The following BBS9 variants were observed in gnomAD, a reference collection of about 807,000 sequenced individuals.
The protein encoded by BBS9 is protein PTHB1.
BBS9 carries 89 observed loss-of-function variants against 117.7 expected under a neutral mutation model. The observed-to-expected ratio is 0.76, with a 90% CI of 0.64 to 0.90. BBS9 has a LOEUF of 0.90. Among genes scored for constraint, BBS9 ranks in the 40% least tolerant of loss-of-function variants. BBS9 has a pLI of 0.00. For missense variants in BBS9, 982 were observed against 1,042.2 expected, an observed-to-expected ratio of 0.94 and a Z score of 0.80; for synonymous variants, 379 against 370.9, an observed-to-expected ratio of 1.02 and a Z score of -0.25.
intron 5 of BBS9, among the ~76,000 whole-genome samples, chr7:33,228,553 A>G (rs1038808778): frequency 1.3e-5 from 2 of 152,126 alleles, no homozygotes; most frequent in African/African-American, 4.8e-5. Flanking sequence ...ATCCACGTAT[A>G]ACTTTTGACT....
At chr7:33,526,357 T>G (rs1310277058) in intron 20 of BBS9, among the ~76,000 whole-genome samples, 8 of 152,220 alleles carry the variant, frequency 5.3e-5, no homozygotes, top group African/African-American at 1.4e-4. Context: ...CCAACTCGGT[T>G]CCATTCTCCC....
At chr7:33,217,090 G>A (rs927722475) in intron 5 of BBS9, among the ~76,000 whole-genome samples, 23 of 152,026 alleles carry the variant, frequency 1.5e-4, no homozygotes, top group African/African-American at 4.3e-4. Context: ...GCGAGACTCC[G>A]TCTCCAAAAA....
chr7:33,447,370 A>G (rs143459744), intron 19 of BBS9, among the ~76,000 whole-genome samples: 10 of 152,350 alleles, frequency 6.6e-5, no homozygotes, highest in African/African-American at 2.4e-4. Flanking sequence ...CTAGGATTTC[A>G]GAGGACAAAC....
chr7:33,581,072 AT>A (rs1212264006), intron 21 of BBS9, among the ~76,000 whole-genome samples: 1 of 143,450 alleles, frequency 7.0e-6, no homozygotes, highest in Non-Finnish European at 1.5e-5. Flanking sequence ...TTTTGTGTGT[AT>A]TTTTGTGTGT....
intron 19 of BBS9, among the ~76,000 whole-genome samples, chr7:33,459,850 C>T (rs11764921): frequency 0.17 from 26,281 of 151,974 alleles, 2,507 homozygotes; most frequent in South Asian, 0.21. Flanking sequence ...TGGTCTTTAC[C>T]ATATATTATA....
intron 19 of BBS9, among the ~76,000 whole-genome samples, chr7:33,478,968 C>G (rs186325734): frequency 1.4e-5 from 2 of 147,344 alleles, no homozygotes; most frequent in Admixed American, 1.4e-4. Context: ...CTTTACTGTT[C>G]ATTTACTGAT....
At chr7:33,215,150 G>C (rs1046428066) in intron 5 of BBS9, among the ~76,000 whole-genome samples, 1 of 152,128 alleles carries the variant, frequency 6.6e-6, no homozygotes, top group Non-Finnish European at 1.5e-5. Context: ...TGAGTGCAGT[G>C]CCACTGCACT....
At position 33,438,283 on chromosome 7, in the gene BBS9, C is replaced by T. The variant is rs577203423; in HGVS notation, c.2115+50139C>T. Among the ~76,000 whole-genome samples, 5 of 152,140 alleles carry T rather than the reference C, an allele frequency of 3.3e-5. No individual in the cohort carries two copies. The South Asian group carries it at 6.3e-4, about 19-fold the overall frequency. On this transcript the variant is annotated intron_variant, in intron 19 of 22. Coordinates refer to ENST00000242067, the MANE Select transcript of BBS9 (RefSeq NM_198428.3). Reference sequence around the variant, plus strand: ...TTAACCTCAGGGTAGGGAAGGACTTCCTAAGCAAGTTATAAAAAGCACAGC... The same window carrying T: ...TTAACCTCAGGGTAGGGAAGGACTTTCTAAGCAAGTTATAAAAAGCACAGC...
In BBS9 at chr7:33,364,191, G is replaced by T. The variant is rs374042417; in HGVS notation, c.1694-3576G>T. Among the ~76,000 whole-genome samples the T allele has an allele frequency of 1.6e-3, 222 of 138,402 alleles. 75 individuals are homozygous for T. The South Asian group carries it at 0.053, about 33-fold the overall frequency. 90.8% of individuals were successfully genotyped at this position (138,402 alleles called of 152,430 possible). ...TCTCGATCTCCTGACCTCGTGATCCGCCCGCCTCGGCCTCCCAAAGTGCTG... is the reference window on the plus strand; with the variant it reads ...TCTCGATCTCCTGACCTCGTGATCCTCCCGCCTCGGCCTCCCAAAGTGCTG... On this transcript the variant is annotated intron_variant, in intron 16 of 22. Transcript: ENST00000242067.
At chr7:33,269,306 C>T (rs1799355949) in intron 7 of BBS9, among the ~76,000 whole-genome samples, 1 of 152,156 alleles carries the variant, frequency 6.6e-6, no homozygotes, top group South Asian at 2.1e-4. Context: ...AGCCCTATTT[C>T]CTGTTTATGC....
At chr7:33,327,492 G>A (rs1241784252) in intron 9 of BBS9, among the ~76,000 whole-genome samples, 2 of 152,048 alleles carry the variant, frequency 1.3e-5, no homozygotes, top group Admixed American at 6.6e-5. Context: ...CTGAGGCCAG[G>A]AATTCATGAC....
chr7:33,157,992 G>A (rs1033587918), intron 4 of BBS9, among the ~76,000 whole-genome samples: 2 of 152,134 alleles, frequency 1.3e-5, no homozygotes, highest in South Asian at 4.1e-4. Context: ...AGATGTGTGA[G>A]TGTGAGCCGT....
In BBS9 at chr7:33,214,175, G is replaced by A. The variant is rs80332566; in HGVS notation, c.442+36584G>A. 5.3e-5 allele frequency among the ~76,000 whole-genome samples: 8 copies of A among 152,326 alleles called. No individual in the cohort carries two copies. In the East Asian group the frequency reaches 1.5e-3, roughly 29 times the overall value. ...TCAAGTTCCTACCATTGGGATGGGC[G>A]ATTCCCCTCTGGCTACGTCTGGTCC... On this transcript the variant is annotated intron_variant, in intron 5 of 22. Transcript: ENST00000242067.
chr7:33,452,960 A>G (rs1351019618), intron 19 of BBS9, among the ~76,000 whole-genome samples: 1 of 152,240 alleles, frequency 6.6e-6, no homozygotes, highest in Non-Finnish European at 1.5e-5. Context: ...GTCATCAAGA[A>G]AAGATTAAGT....
intron 5 of BBS9, among the ~76,000 whole-genome samples, chr7:33,189,334 A>T (rs1420073063): frequency 1.3e-5 from 2 of 151,954 alleles, no homozygotes; most frequent in Non-Finnish European, 2.9e-5. Context: ...TTTATTTTTA[A>T]AATTATGTTG....
chr7:33,605,099 C>T (rs997085410), intron 22 of BBS9, 96 bp from the exon 23 acceptor site: 1 of 1,469,268 alleles, frequency 6.8e-7, no homozygotes, highest in African/African-American at 1.4e-5. Context: ...TCATTCTTCC[C>T]CTTAGCACTG....
At chr7:33,493,262 G>C (rs1323638913) in intron 19 of BBS9, among the ~76,000 whole-genome samples, 1 of 152,112 alleles carries the variant, frequency 6.6e-6, no homozygotes, top group East Asian at 1.9e-4. Context: ...CCAAAGTGCT[G>C]GGATTCCAGC....
chr7:33,596,299 C>CAT (rs1491153351), intron 21 of BBS9, among the ~76,000 whole-genome samples: 11,397 of 143,364 alleles, frequency 0.079, 935 homozygotes, highest in African/African-American at 0.19. Flanking sequence ...CACACACACA[C>CAT]TTATATATGT....
At chr7:33,272,780 C>T (rs1438408114) in intron 7 of BBS9, among the ~76,000 whole-genome samples, 2 of 151,830 alleles carry the variant, frequency 1.3e-5, no homozygotes, top group Non-Finnish European at 2.9e-5. Context: ...TCTTGAATTG[C>T]AGAATAGTTA....
Sources: gnomAD v4.1 joint callset for allele counts (sites outside exome capture counted in the v4.1 genomes callset) on GRCh38, gnomAD v4.1.1 for gene constraint, MANE v1.5 for transcripts, NCBI Gene and HGNC (gene_info 2026-07-23, HGNC 2026-07-21) for gene names.